Variants in LCE2B observed in about 807,000 individuals in gnomAD.
LCE2B encodes late cornified envelope 2B.
For synonymous variants in LCE2B, 69 were observed against 52.0 expected (o/e 1.33, Z -1.40); for missense variants, 175 against 141.6 (o/e 1.24, Z -1.20).
chr1:152,686,461 C>T (rs985193639), intron 1 of LCE2B, among the ~76,000 whole-genome samples: 6 of 149,206 alleles, frequency 4.0e-5, no homozygotes, highest in Non-Finnish European at 8.8e-5. Context: ...GCTCTTTTAT[C>T]TGGAGGTTTC....
chr1:152,686,717 T>C, intron 1 of LCE2B, 107 bp from the exon 2 acceptor site: 4 of 1,403,684 alleles, frequency 2.8e-6, no homozygotes, highest in Admixed American at 2.2e-5. Flanking sequence ...CTGATGTGAC[T>C]GTATGATCTA....
intron 1 of LCE2B, among the ~76,000 whole-genome samples, chr1:152,686,502 G>A (rs966841619): frequency 3.3e-5 from 5 of 152,102 alleles, no homozygotes; most frequent in Admixed American, 3.3e-4. Flanking sequence ...AGGACCTCCT[G>A]GTGTGTCCTG....
At chr1:152,686,585 G>T (rs866983574) in intron 1 of LCE2B, among the ~76,000 whole-genome samples, 9 of 151,960 alleles carry the variant, frequency 5.9e-5, no homozygotes, top group South Asian at 2.1e-4. Context: ...CTCTATTCAG[G>T]CTTGTGAGGA....
chr1:152,686,891 T>C lies in LCE2B; in HGVS notation c.48T>C (p.Cys16=). The C allele has an allele frequency of 6.2e-7, 1 of 1,614,110 alleles. No individual in the cohort carries two copies. Among genetic ancestry groups the C allele is most frequent in the Non-Finnish European group, 8.5e-7 (1 of 1,180,024 alleles). Residue 16 remains cysteine, a synonymous_variant, in exon 2 of 2, where the codon TGT becomes TGC. Coordinates refer to ENST00000368780, the MANE Select transcript of LCE2B (RefSeq NM_014357.5). ...NQQQCQPPPK[C]PPKCTPKCPP... The stretch of plus-strand genomic sequence containing the variant: ...AGCAGTGCCAGCCCCCTCCCAAGTG[T>C]CCTCCCAAGTGTACCCCAAAATGTC...
Position 152,687,053 on chromosome 1 carries a change from C to T in LCE2B, c.210C>T (p.Gly70=), listed in dbSNP as rs1649159519. 3 of 1,613,588 alleles carry T rather than the reference C, an allele frequency of 1.9e-6. No individual in the cohort carries two copies. The highest frequency in any genetic ancestry group is 1.7e-6 in the Non-Finnish European group (2 of 1,179,948). Residue 70 remains glycine, a synonymous_variant, in exon 2 of 2, where the codon GGC becomes GGT. Coordinates refer to ENST00000368780, the MANE Select transcript of LCE2B (RefSeq NM_014357.5). ...SGGCCNSGAG[G]CCLSHHRPRL... ...GCTGCTGCAACTCTGGGGCTGGTGG[C>T]TGCTGCCTGAGCCACCACAGGCCCC...
intron 1 of LCE2B, among the ~76,000 whole-genome samples, 172 bp from the exon 2 acceptor site, chr1:152,686,652 T>A (rs1309299888): frequency 6.6e-6 from 1 of 151,992 alleles, no homozygotes; most frequent in Non-Finnish European, 1.5e-5. Flanking sequence ...CGGTTGGTTT[T>A]TTAATGTATG....
chr1:152,687,154 A>G lies in LCE2B; in HGVS notation c.311A>G (p.His104Arg), dbSNP rs377079019. ...CCTTCTGGGGGCTCTGGCTGCTGCC[A>G]CAGCTCTGGGGGCTGCTGCTGACCT... ...SEPSGGSGCCHSSGGCC is the reference protein window; with the variant it reads ...SEPSGGSGCCRSSGGCC Residue 104 changes from histidine to arginine, a missense_variant, in exon 2 of 2, where the codon CAC (histidine) becomes CGC (arginine). By Grantham distance (29) the His-to-Arg change is conservative. Transcript: ENST00000368780. 6.1e-5 allele frequency: 99 copies of G among 1,613,218 alleles called. No individual in the cohort carries two copies. The Middle Eastern group carries it at 8.3e-4, about 13-fold the overall frequency.
In LCE2B at chr1:152,687,233, G is replaced by A. The variant is rs1014387580; in HGVS notation, c.*57G>A. 6.5e-7 allele frequency: 1 copy of A among 1,546,266 alleles called. No homozygotes were observed. Among genetic ancestry groups the A allele is most frequent in the African/African-American group, 1.4e-5 (1 of 72,638 alleles). Reference sequence around the variant, plus strand: ...GTTTAAGAACCTCCTACAGCCTGATGCTTAACCCTTTCCATTTCCTCTCAT... The same window carrying A: ...GTTTAAGAACCTCCTACAGCCTGATACTTAACCCTTTCCATTTCCTCTCAT... On this transcript the variant is annotated 3_prime_UTR_variant, in exon 2 of 2. Coordinates refer to ENST00000368780, the MANE Select transcript of LCE2B (RefSeq NM_014357.5).
chr1:152,686,708 T>C (rs1649143698), intron 1 of LCE2B, 116 bp from the exon 2 acceptor site: 3 of 1,365,872 alleles, frequency 2.2e-6, no homozygotes, highest in Non-Finnish European at 3.0e-6. Context: ...TTCAGGTTAC[T>C]GATGTGACTG....
At chr1:152,686,701 A>T in intron 1 of LCE2B, 123 bp from the exon 2 acceptor site, 1 of 1,316,770 alleles carries the variant, frequency 7.6e-7, no homozygotes. Context: ...TGTTTCTTTC[A>T]GGTTACTGAT....
Position 152,686,826 on chromosome 1 carries a change from T to A in LCE2B, c.-18T>A. On this transcript the variant is annotated splice_region_variant and 5_prime_UTR_variant, in exon 2 of 2. Coordinates refer to ENST00000368780, the MANE Select transcript of LCE2B (RefSeq NM_014357.5). Reference sequence around the variant, plus strand: ...AGAGTTTCATTATTATCTTTCAGGTTGACTAAACTCTGCCAGGATGTCTTG... The same window carrying A: ...AGAGTTTCATTATTATCTTTCAGGTAGACTAAACTCTGCCAGGATGTCTTG... 1 of 1,613,856 alleles carries A rather than the reference T, an allele frequency of 6.2e-7. No individual in the cohort carries two copies. The highest frequency in any genetic ancestry group is 8.5e-7 in the Non-Finnish European group (1 of 1,179,854).
At position 152,687,333 on chromosome 1, in the gene LCE2B, C is replaced by T; in HGVS notation, c.*157C>T. 4.0e-6 allele frequency: 4 copies of T among 1,000,304 alleles called. No homozygotes were observed. Among genetic ancestry groups the T allele is most frequent in the Non-Finnish European group, 5.8e-6 (4 of 694,438 alleles). 62.0% of individuals were successfully genotyped at this position (1,000,304 alleles called of 1,614,324 possible). ...GAGAACTTTGCACTTGATGGAGCAC[C>T]TCAATTGCAGGTTTTGTTTTCCTCC... On this transcript the variant is annotated 3_prime_UTR_variant, in exon 2 of 2. Transcript: ENST00000368780.
rs1399009318 is a variant in LCE2B at position 152,687,140 on chromosome 1, C to T, written c.297C>T (p.Gly99=). 1 of 1,613,536 alleles carries T rather than the reference C, an allele frequency of 6.2e-7. No homozygotes were observed. Residue 99 remains glycine, a synonymous_variant, in exon 2 of 2, where the codon GGC becomes GGT. Coordinates refer to ENST00000368780, the MANE Select transcript of LCE2B (RefSeq NM_014357.5). The part of the protein sequence containing the change: ...PDCCESEPSG[G]SGCCHSSGGC... ...GCTGTGAGAGTGAACCTTCTGGGGGCTCTGGCTGCTGCCACAGCTCTGGGG... is the reference window on the plus strand; with the variant it reads ...GCTGTGAGAGTGAACCTTCTGGGGGTTCTGGCTGCTGCCACAGCTCTGGGG...
Position 152,687,026 on chromosome 1 carries a change from G to A in LCE2B, c.183G>A (p.Gly61=), listed in dbSNP as rs767407774. 6.2e-7 allele frequency: 1 copy of A among 1,613,684 alleles called. No individual in the cohort carries two copies. The highest frequency in any genetic ancestry group is 8.5e-7 in the Non-Finnish European group (1 of 1,179,908). ...ISGGCCGPSS[G]GCCNSGAGGC... is the part of the protein sequence containing the mutation. ...GGGGCTGCTGTGGTCCCAGCTCTGG[G>A]GGCTGCTGCAACTCTGGGGCTGGTG... The change falls in exon 2 of 2, where the codon GGG becomes GGA. Residue 61 remains glycine, a synonymous_variant. Coordinates refer to ENST00000368780, the MANE Select transcript of LCE2B (RefSeq NM_014357.5).
At position 152,686,971 on chromosome 1, in the gene LCE2B, C is replaced by T. The variant is rs771599719; in HGVS notation, c.128C>T (p.Ala43Val). Residue 43 changes from alanine to valine, a missense_variant, in exon 2 of 2, where the codon GCA becomes GTA. Coordinates refer to ENST00000368780, the MANE Select transcript of LCE2B (RefSeq NM_014357.5). ...CAGTGCCCAGCTCCATGTTCCCCTG[C>T]AGTCTCTTCTTGCTGTGGTCCCATC... ...LPQCPAPCSPAVSSCCGPISG... is the reference protein window; with the variant it reads ...LPQCPAPCSPVVSSCCGPISG... 1 of 1,612,408 alleles carries T rather than the reference C, an allele frequency of 6.2e-7. No homozygotes were observed. Among genetic ancestry groups the T allele is most frequent in the Non-Finnish European group, 8.5e-7 (1 of 1,179,934 alleles).
chr1:152,686,185 G>T (rs11581281), intron 1 of LCE2B, 29 bp downstream of exon 1: 30,535 of 152,392 alleles, frequency 0.2, 3,659 homozygotes, highest in Non-Finnish European at 0.29. Flanking sequence ...TACCAGAGGG[G>T]TATGAGCAAG....
At chr1:152,686,700 C>T in intron 1 of LCE2B, 124 bp from the exon 2 acceptor site, 1 of 1,313,162 alleles carries the variant, frequency 7.6e-7, no homozygotes. Context: ...TTGTTTCTTT[C>T]AGGTTACTGA....
In LCE2B at chr1:152,687,312, A is replaced by T; in HGVS notation, c.*136A>T. ...AGACTCATGGGGCTTCCCTGGGAGAACTTTGCACTTGATGGAGCACCTCAA... is the reference window on the plus strand; with the variant it reads ...AGACTCATGGGGCTTCCCTGGGAGATCTTTGCACTTGATGGAGCACCTCAA... On this transcript the variant is annotated 3_prime_UTR_variant, in exon 2 of 2. Coordinates refer to ENST00000368780, the MANE Select transcript of LCE2B (RefSeq NM_014357.5). The T allele has an allele frequency of 2.3e-6, 3 of 1,294,322 alleles. No homozygotes were observed. The highest frequency in any genetic ancestry group is 1.6e-5 in the South Asian group (1 of 62,408). 80.2% of individuals were successfully genotyped at this position (1,294,322 alleles called of 1,614,324 possible). A position where few individuals can be genotyped will look rare whatever the true frequency, so the allele number is the denominator to read the frequency against.
intron 1 of LCE2B, among the ~76,000 whole-genome samples, chr1:152,686,440 C>T (rs2101511924): frequency 6.6e-6 from 1 of 152,076 alleles, no homozygotes; most frequent in African/African-American, 2.4e-5. Context: ...CTGGCAAATA[C>T]TTCAAGCCAG....
Sources: gnomAD v4.1 joint callset for allele counts (sites outside exome capture counted in the v4.1 genomes callset) on GRCh38, gnomAD v4.1.1 for gene constraint, MANE v1.5 for transcripts, NCBI Gene and HGNC (gene_info 2026-07-23, HGNC 2026-07-21) for gene names.